The following UBXN6 variants were observed in gnomAD, a reference collection of about 807,000 sequenced individuals.
UBXN6 encodes the protein UBX domain-containing protein 6.
A neutral mutation model predicts 51.4 loss-of-function variants in UBXN6; 44 were observed. The ratio of observed to expected loss-of-function variants is 0.86; its 90% CI spans 0.67 to 1.10. The LOEUF is 1.10. Ranked by LOEUF, UBXN6 falls within the 50% of genes least tolerant of loss-of-function variation. The pLI, the probability that UBXN6 is intolerant of heterozygous loss-of-function variation, is 0.00. For missense variants in UBXN6, 672 were observed against 596.1 expected (o/e 1.13, Z -1.32); for synonymous variants, 316 against 263.2 (o/e 1.20, Z -1.94).
chr19:4,445,690 G>A lies in UBXN6; in HGVS notation c.1201-67C>T, dbSNP rs1049559915. On this transcript the variant is annotated intron_variant, in intron 10 of 10. Coordinates refer to ENST00000301281, the MANE Select transcript of UBXN6 (RefSeq NM_025241.3). ...CCCTTGCCGCGGCAGGGAACTCAGC[G>A]GGCAACCTGGGCGCGGGGATGCCCC... 7.4e-5 allele frequency: 117 copies of A among 1,572,828 alleles called. 1 individual carries two copies. The highest frequency in any genetic ancestry group is 6.3e-4 in the African/African-American group (47 of 74,352).
chr19:4,453,913 G>T lies in UBXN6; in HGVS notation c.247+17C>A. ...TCAAACAGCCCCAACCTGGGCCCGAGGAGGGCCATATCTCACCCTGGTTTC... is the reference window on the plus strand; with the variant it reads ...TCAAACAGCCCCAACCTGGGCCCGATGAGGGCCATATCTCACCCTGGTTTC... On this transcript the variant is annotated intron_variant, in intron 2 of 10. Transcript: ENST00000301281. 6.2e-7 allele frequency: 1 copy of T among 1,606,296 alleles called. No homozygotes were observed. The highest frequency in any genetic ancestry group is 2.2e-5 in the East Asian group (1 of 44,812).
At position 4,447,589 on chromosome 19, in the gene UBXN6, C is replaced by G; in HGVS notation, c.576G>C (p.Glu192Asp). 3 of 1,613,828 alleles carry G rather than the reference C, an allele frequency of 1.9e-6. No homozygotes were observed. Among genetic ancestry groups the G allele is most frequent in the Non-Finnish European group, 2.5e-6 (3 of 1,179,812 alleles). ...LDNIHLHPEE[E>D]KYRKIKLQNK... ...TCTGCAGCTTGATCTTCCGGTACTTCTCCTCCTCGGGGTGCAGGTGGATGT... is the reference window on the plus strand; with the variant it reads ...TCTGCAGCTTGATCTTCCGGTACTTGTCCTCCTCGGGGTGCAGGTGGATGT... Residue 192 changes from glutamate (E) to aspartate (D), a missense_variant, in exon 6 of 11, where the codon GAG becomes GAC. By Grantham distance (45) the Glu-to-Asp change is conservative. Transcript: ENST00000301281.
At chr19:4,450,503 A>G (rs1348310609) in intron 4 of UBXN6, 2 of 152,094 alleles carry the variant, frequency 1.3e-5, no homozygotes, top group Admixed American at 6.5e-5. Context: ...TCCCGCCTGT[A>G]ATCCCAGCAC....
intron 4 of UBXN6, among the ~76,000 whole-genome samples, chr19:4,452,148 C>CA (rs558870909): frequency 0.021 from 2,151 of 103,896 alleles, 31 homozygotes; most frequent in African/African-American, 0.05. Context: ...GACTCCATCT[C>CA]AAAAAAAAAA....
chr19:4,453,424 G>C, intron 3 of UBXN6, 34 bp downstream of exon 3: 1 of 1,607,538 alleles, frequency 6.2e-7, no homozygotes, highest in Non-Finnish European at 8.5e-7. Flanking sequence ...CCCACCCCTT[G>C]GCATGGGACA....
In UBXN6 at chr19:4,453,953, G is replaced by A. The variant is rs533927912; in HGVS notation, c.224C>T (p.Ser75Leu). 33 of 1,611,018 alleles carry A rather than the reference G, an allele frequency of 2.0e-5. 1 individual carries two copies. The East Asian group carries it at 4.0e-4, about 20-fold the overall frequency. Residue 75 changes from serine (S) to leucine (L), a missense_variant, in exon 2 of 11, where the codon TCG (serine) becomes TTG (leucine). Coordinates refer to ENST00000301281, the MANE Select transcript of UBXN6 (RefSeq NM_025241.3). ...QKQSRAWGPT[S>L]QDTIRNQVRK... is the part of the protein sequence containing the mutation. Reference sequence around the variant, plus strand: ...ACCCTGGTTTCGGATGGTGTCCTGCGATGTGGGGCCCCAGGCCCGGGACTG... The same window carrying A: ...ACCCTGGTTTCGGATGGTGTCCTGCAATGTGGGGCCCCAGGCCCGGGACTG...
At chr19:4,455,200 A>G (rs1478499920) in intron 1 of UBXN6, 6 of 985,348 alleles carry the variant, frequency 6.1e-6, no homozygotes, top group Admixed American at 6.2e-5. Flanking sequence ...GTCTCCTCTC[A>G]GGCCCCTCCC....
intron 4 of UBXN6, chr19:4,448,664 A>G (rs754364213): frequency 3.7e-6 from 2 of 541,202 alleles, no homozygotes; most frequent in East Asian, 6.3e-5. Flanking sequence ...TCAAGGCTAG[A>G]TCCATGGGAC....
intron 1 of UBXN6, 68 bp from the exon 2 acceptor site, chr19:4,454,161 C>T (rs1974704937): frequency 6.9e-7 from 1 of 1,444,142 alleles, no homozygotes; most frequent in East Asian, 2.5e-5. Flanking sequence ...CGTGCAGTCA[C>T]ACAGAGGAGC....
In UBXN6 at chr19:4,446,625, G is replaced by C. The variant is rs377563623; in HGVS notation, c.795C>G (p.Pro265=). The C allele has an allele frequency of 6.2e-7, 1 of 1,612,420 alleles. No homozygotes were observed. Among genetic ancestry groups the C allele is most frequent in the Non-Finnish European group, 8.5e-7 (1 of 1,179,776 alleles). Residue 265 remains proline (P), a synonymous_variant, in exon 8 of 11, where the codon CCC becomes CCG. Coordinates refer to ENST00000301281, the MANE Select transcript of UBXN6 (RefSeq NM_025241.3). ...RHKEQLLAAE[P]VRAKLDRQRR... ...GCTGCCTGTCCAGCTTGGCGCGCAC[G>C]GGCTCCGCAGCCAGCAGCTGTTCCT...
intron 1 of UBXN6, chr19:4,454,975 C>T (rs1035823737): frequency 6.5e-6 from 1 of 154,506 alleles, no homozygotes; most frequent in African/African-American, 2.4e-5. Flanking sequence ...GTGGCGGGAC[C>T]CTGGGGAGAG....
At chr19:4,452,105 C>T (rs550963041) in intron 4 of UBXN6, among the ~76,000 whole-genome samples, 41 of 150,472 alleles carry the variant, frequency 2.7e-4, no homozygotes, top group Non-Finnish European at 4.7e-4. Context: ...GCCGAGAATG[C>T]GCCACTGCAC....
chr19:4,456,039 GC>G (rs1250006092), intron 1 of UBXN6, among the ~76,000 whole-genome samples: 1 of 151,942 alleles, frequency 6.6e-6, no homozygotes, highest in Non-Finnish European at 1.5e-5. Context: ...AGGACTTGGT[GC>G]CCACCCACCC....
intron 1 of UBXN6, chr19:4,455,126 C>T: frequency 5.9e-6 from 5 of 851,188 alleles, no homozygotes; most frequent in Non-Finnish European, 7.1e-6. Flanking sequence ...GCACAGTGAC[C>T]TGGCAGAGAA....
rs1439987245 is a variant in UBXN6, at chr19:4,453,490, T to C, written c.280A>G (p.Ser94Gly). The C allele has an allele frequency of 1.2e-6, 2 of 1,613,830 alleles. No individual in the cohort carries two copies. The highest frequency in any genetic ancestry group is 2.7e-5 in the African/African-American group (2 of 74,948). The change falls in exon 3 of 11, where the codon AGC becomes GGC. Residue 94 changes from serine (S) to glycine (G), a missense_variant. By Grantham distance (56) the Ser-to-Gly change is moderately conservative (BLOSUM62 0). Coordinates refer to ENST00000301281, the MANE Select transcript of UBXN6 (RefSeq NM_025241.3). ...GTCCCTGGGGCCTCGGGGCTCCCGC[T>C]GACGGTGGCTTCGGCTTGAAGTTCC... The part of the protein sequence containing the change: ...RKELQAEATV[S>G]GSPEAPGTNV...
intron 10 of UBXN6, 37 bp downstream of exon 10, chr19:4,446,012 C>T (rs1568187706): frequency 1.3e-6 from 2 of 1,573,324 alleles, no homozygotes; most frequent in Admixed American, 1.8e-5. Flanking sequence ...CCTGCAGAGG[C>T]ATCGGGTCAG....
At chr19:4,445,932 C>T in intron 10 of UBXN6, 117 bp downstream of exon 10, 2 of 1,470,830 alleles carry the variant, frequency 1.4e-6, no homozygotes, top group Non-Finnish European at 1.8e-6. Context: ...ACCCAGGGAC[C>T]TGCCCAGGCC....
chr19:4,457,355 C>T (rs2145192256), intron 1 of UBXN6, among the ~76,000 whole-genome samples: 1 of 123,482 alleles, frequency 8.1e-6, no homozygotes, highest in South Asian at 3.3e-4. Context: ...CGCTAGTTCC[C>T]CTCCCCTCGC....
intron 3 of UBXN6, 147 bp from the exon 4 acceptor site, chr19:4,452,639 C>G (rs1974674413): frequency 8.6e-7 from 1 of 1,160,330 alleles, no homozygotes; most frequent in Non-Finnish European, 1.2e-6. Context: ...TGGGAGACAC[C>G]CTGGCCAAGT....
Sources: gnomAD v4.1 joint callset for allele counts (sites outside exome capture counted in the v4.1 genomes callset) on GRCh38, gnomAD v4.1.1 for gene constraint, MANE v1.5 for transcripts, NCBI Gene and HGNC (gene_info 2026-07-23, HGNC 2026-07-21) for gene names.